GALNT18: variants seen among roughly 807,000 people sequenced by gnomAD.
GALNT18 encodes polypeptide N-acetylgalactosaminyltransferase 18, also known as GalNAc-transferase 18.
Under a neutral mutation model 69.5 loss-of-function variants are expected in GALNT18, and 44 were observed. The observed-to-expected ratio is 0.63, with a 90% CI of 0.50 to 0.81. The LOEUF (loss-of-function observed/expected upper bound fraction) is 0.81. Among genes scored for constraint, GALNT18 ranks in the 40% least tolerant of loss-of-function variants. GALNT18 has a pLI of 0.00. For synonymous variants in GALNT18, 364 were observed against 318.2 expected (o/e 1.14, Z -1.53); for missense variants, 715 against 810.0 (o/e 0.88, Z 1.42).
chr11:11,606,767 C>G lies in GALNT18; in HGVS notation c.235+14592G>C, dbSNP rs4459295. ...TTTCTCCTGAAGTTGAGGGAAGTAACTGGATGTAGAGGAAAATTGTCTAGA... is the reference window on the plus strand; with the variant it reads ...TTTCTCCTGAAGTTGAGGGAAGTAAGTGGATGTAGAGGAAAATTGTCTAGA... On this transcript the variant is annotated intron_variant, in intron 1 of 10. Transcript: ENST00000227756. The surrounding 1 kb of genome is among the most constrained non-coding windows in gnomAD (Gnocchi z 5.4). Among the ~76,000 whole-genome samples, 17,708 of 152,166 alleles carry G rather than the reference C, an allele frequency of 0.12. 1,462 individuals are homozygous for G. Among genetic ancestry groups the G allele is most frequent in the Admixed American group, 0.21 (3,184 of 15,280 alleles).
At chr11:11,483,288 C>T (rs1427320029) in intron 1 of GALNT18, among the ~76,000 whole-genome samples, 6 of 152,160 alleles carry the variant, frequency 3.9e-5, no homozygotes, top group Non-Finnish European at 7.4e-5. Flanking sequence ...CCCCTGATTC[C>T]CCCGGCTGTA....
intron 2 of GALNT18, among the ~76,000 whole-genome samples, chr11:11,446,603 A>G (rs370681604): frequency 6.6e-6 from 1 of 152,102 alleles, no homozygotes; most frequent in East Asian, 1.9e-4. Context: ...GGTCACTTTC[A>G]GGATATTTCC....
At chr11:11,343,944 C>T (rs2133059882) in intron 6 of GALNT18, among the ~76,000 whole-genome samples, 1 of 152,290 alleles carries the variant, frequency 6.6e-6, no homozygotes, top group South Asian at 2.1e-4. Flanking sequence ...TCACTCCCCT[C>T]TTCCCATCCC....
intron 3 of GALNT18, among the ~76,000 whole-genome samples, chr11:11,407,953 G>A (rs1854629807): frequency 6.6e-6 from 1 of 152,200 alleles, no homozygotes; most frequent in South Asian, 2.1e-4. Flanking sequence ...AGTGTGTCCT[G>A]AGCGCCCTAT....
chr11:11,485,353 C>T (rs1856621112), intron 1 of GALNT18, among the ~76,000 whole-genome samples: 1 of 152,196 alleles, frequency 6.6e-6, no homozygotes, highest in Middle Eastern at 3.2e-3. Context: ...CTATGACCCC[C>T]TCCTCGGTGT....
intron 6 of GALNT18, chr11:11,352,432 C>T (rs752777606): frequency 6.2e-7 from 1 of 1,614,138 alleles, no homozygotes. Flanking sequence ...AAAAATGGCT[C>T]CTTCCGAAAG....
At chr11:11,394,496 G>C (rs1854275524) in intron 3 of GALNT18, among the ~76,000 whole-genome samples, 1 of 152,210 alleles carries the variant, frequency 6.6e-6, no homozygotes, top group Admixed American at 6.5e-5. Flanking sequence ...AGGTCTCCAA[G>C]AGATGAACTG....
intron 1 of GALNT18, among the ~76,000 whole-genome samples, chr11:11,493,474 A>G (rs549075407): frequency 1.3e-5 from 2 of 152,210 alleles, no homozygotes; most frequent in South Asian, 2.1e-4. Context: ...CTTGATCTCT[A>G]GAAGGCTCAG....
chr11:11,451,508 ACTCAAAGCCAGTGAGTC>A (rs1855798642), intron 1 of GALNT18, among the ~76,000 whole-genome samples: 1 of 152,178 alleles, frequency 6.6e-6, no homozygotes, highest in African/African-American at 2.4e-5. Context: ...AGGATGACAA[ACTCAAAGCCAGTGAGTC>A]CTGAAAGATG....
chr11:11,340,757 T>C lies in GALNT18; in HGVS notation c.1278+62A>G, dbSNP rs926948241. On this transcript the variant is annotated intron_variant, in intron 7 of 10. Coordinates refer to ENST00000227756, the MANE Select transcript of GALNT18 (RefSeq NM_198516.3). This position sits in a 1 kb window ranked among gnomAD's most constrained non-coding sequence, Gnocchi z 4.2. Reference sequence around the variant, plus strand: ...CCATAGGAAGAAGGGTTCGGTCCCATATCTTGTTTTGTTTGTTTTCCACCA... The same window carrying C: ...CCATAGGAAGAAGGGTTCGGTCCCACATCTTGTTTTGTTTGTTTTCCACCA... The C allele has an allele frequency of 2.1e-5, 31 of 1,478,734 alleles. No individual in the cohort carries two copies. The highest frequency in any genetic ancestry group is 2.5e-5 in the Non-Finnish European group (27 of 1,085,604). The allele number at this position is 1,478,734 out of a possible 1,614,324, so 91.6% of individuals were successfully genotyped here.
chr11:11,543,480 G>A lies in GALNT18; in HGVS notation c.235+77879C>T, dbSNP rs376919550. 8.5e-4 allele frequency among the ~76,000 whole-genome samples: 130 copies of A among 152,244 alleles called. No homozygotes were observed. Among genetic ancestry groups the A allele is most frequent in the Middle Eastern group, 3.4e-3 (1 of 294 alleles). On this transcript the variant is annotated intron_variant, in intron 1 of 10. Transcript: ENST00000227756. This position sits in a 1 kb window ranked among gnomAD's most constrained non-coding sequence, Gnocchi z 5.1. Reference sequence around the variant, plus strand: ...CCTTCTCTGCTACCCTGTCCCCACCGTCCCCACCACCCACCAAGAGCCTGG... The same window carrying A: ...CCTTCTCTGCTACCCTGTCCCCACCATCCCCACCACCCACCAAGAGCCTGG...
chr11:11,343,020 G>A (rs988380275), intron 6 of GALNT18, among the ~76,000 whole-genome samples: 1 of 152,164 alleles, frequency 6.6e-6, no homozygotes, highest in East Asian at 1.9e-4. Context: ...CAGTTATTAT[G>A]CCCAATTCCA....
In GALNT18 at chr11:11,463,705, T is replaced by C. The variant is rs982745592; in HGVS notation, c.236-14769A>G. On this transcript the variant is annotated intron_variant, in intron 1 of 10. Coordinates refer to ENST00000227756, the MANE Select transcript of GALNT18 (RefSeq NM_198516.3). This position sits in a 1 kb window ranked among gnomAD's most constrained non-coding sequence, Gnocchi z 4.2. Reference sequence around the variant, plus strand: ...AACAGGCCCTCCCAACCCCAGGCCCTGGCAGGATAGGGAAAGGCTTTGAAT... The same window carrying C: ...AACAGGCCCTCCCAACCCCAGGCCCCGGCAGGATAGGGAAAGGCTTTGAAT... Among the ~76,000 whole-genome samples, 8 of 152,188 alleles carry C rather than the reference T, an allele frequency of 5.3e-5. No homozygotes were observed. Among genetic ancestry groups the C allele is most frequent in the African/African-American group, 1.9e-4 (8 of 41,446 alleles).
At chr11:11,458,721 C>A (rs578096376) in intron 1 of GALNT18, among the ~76,000 whole-genome samples, 2 of 152,372 alleles carry the variant, frequency 1.3e-5, no homozygotes, top group African/African-American at 4.8e-5. Flanking sequence ...CAGCGTTCAG[C>A]CTCAGCTGCC....
intron 1 of GALNT18, among the ~76,000 whole-genome samples, chr11:11,551,165 A>G (rs1858178805): frequency 6.6e-6 from 1 of 152,120 alleles, no homozygotes; most frequent in Non-Finnish European, 1.5e-5. Flanking sequence ...CTTTATTTAT[A>G]TAAAGAATAA....
chr11:11,563,019 A>T lies in GALNT18; in HGVS notation c.235+58340T>A, dbSNP rs1038104103. Among the ~76,000 whole-genome samples the T allele has an allele frequency of 6.6e-6, 1 of 152,058 alleles. No homozygotes were observed. Among genetic ancestry groups the T allele is most frequent in the African/African-American group, 2.4e-5 (1 of 41,412 alleles). On this transcript the variant is annotated intron_variant, in intron 1 of 10. Transcript: ENST00000227756. This position sits in a 1 kb window ranked among gnomAD's most constrained non-coding sequence, Gnocchi z 4.6. ...TCTCCGTGCCTTCTACAATTTGCCA[A>T]CTTGGTCCTGACGTTTTGTGCTTCA...
chr11:11,307,420 A>G (rs138751444), intron 9 of GALNT18, among the ~76,000 whole-genome samples: 1 of 152,222 alleles, frequency 6.6e-6, no homozygotes, highest in African/African-American at 2.4e-5. Flanking sequence ...TACTTATTTA[A>G]ATAACCCTGG....
At chr11:11,327,629 G>C (rs1233933630) in intron 8 of GALNT18, among the ~76,000 whole-genome samples, 1 of 152,218 alleles carries the variant, frequency 6.6e-6, no homozygotes, top group Non-Finnish European at 1.5e-5. Context: ...ACCCAGCAGT[G>C]GCTTGGCCAG....
At chr11:11,599,808 G>A (rs574386300) in intron 1 of GALNT18, among the ~76,000 whole-genome samples, 2 of 151,870 alleles carry the variant, frequency 1.3e-5, no homozygotes, top group South Asian at 4.2e-4. Flanking sequence ...TATATTTACA[G>A]TGTATGATGT....
Sources: allele counts gnomAD v4.1 joint callset (sites outside exome capture counted in the v4.1 genomes callset), GRCh38; gene constraint gnomAD v4.1.1; non-coding constraint Gnocchi (gnomAD v3.1); transcripts MANE v1.5; gene names NCBI Gene and HGNC (gene_info 2026-07-23, HGNC 2026-07-21).